CDIN1: variants seen among roughly 807,000 people sequenced by gnomAD.
CDIN1 encodes the protein CDAN1-interacting nuclease 1.
CDIN1 carries 33 observed loss-of-function variants against 45.3 expected under a neutral mutation model. The observed-to-expected ratio is 0.73, with a 90% confidence interval of 0.55 to 0.97. The LOEUF (loss-of-function observed/expected upper bound fraction) is 0.97. CDIN1 is among the 50% of genes least tolerant of loss of function. The probability of loss-of-function intolerance (pLI) is 0.00; values close to 1 mark genes in which losing one functional copy is unlikely to be tolerated. For synonymous variants in CDIN1, 118 were observed against 124.4 expected, an observed-to-expected ratio of 0.95 and a Z score of 0.34; for missense variants, 303 against 339.4, an observed-to-expected ratio of 0.89 and a Z score of 0.84.
At chr15:36,590,346 T>A (rs1381851886) in intron 1 of CDIN1, among the ~76,000 whole-genome samples, 1 of 152,250 alleles carries the variant, frequency 6.6e-6, no homozygotes, top group Non-Finnish European at 1.5e-5. Flanking sequence ...AAAAAATGTT[T>A]AAAGCTATTA....
chr15:36,700,703 T>C (rs553481326), intron 8 of CDIN1, among the ~76,000 whole-genome samples: 2 of 151,882 alleles, frequency 1.3e-5, no homozygotes, highest in East Asian at 3.9e-4. Flanking sequence ...AACCAAACTT[T>C]TTTTTTTTAA....
At chr15:36,692,825 A>G (rs1002766236) in intron 7 of CDIN1, among the ~76,000 whole-genome samples, 1 of 152,248 alleles carries the variant, frequency 6.6e-6, no homozygotes, top group African/African-American at 2.4e-5. Flanking sequence ...TTAAAACAAG[A>G]TTGAACAGAC....
At chr15:36,612,467 C>T (rs2038692691) in intron 1 of CDIN1, among the ~76,000 whole-genome samples, 2 of 152,118 alleles carry the variant, frequency 1.3e-5, no homozygotes, top group Admixed American at 1.3e-4. Context: ...GTAAGCGAAC[C>T]TCACCCCATC....
intron 5 of CDIN1, among the ~76,000 whole-genome samples, chr15:36,670,035 G>C (rs1271030493): frequency 1.3e-5 from 2 of 152,068 alleles, no homozygotes; most frequent in African/African-American, 4.8e-5. Flanking sequence ...CTTCTGGAGA[G>C]AGGAGTGTGG....
intron 5 of CDIN1, among the ~76,000 whole-genome samples, chr15:36,666,059 T>C (rs1194694637): frequency 6.6e-6 from 1 of 152,188 alleles, no homozygotes; most frequent in Non-Finnish European, 1.5e-5. Context: ...TTTTTGTTTA[T>C]CTTAAGGGAA....
At chr15:36,620,686 G>A (rs569411907) in intron 1 of CDIN1, among the ~76,000 whole-genome samples, 6 of 152,046 alleles carry the variant, frequency 3.9e-5, no homozygotes, top group Admixed American at 1.3e-4. Flanking sequence ...ATGGTAAGGC[G>A]GACTGACCTT....
chr15:36,632,763 A>G (rs927617470), intron 1 of CDIN1, among the ~76,000 whole-genome samples: 1 of 152,254 alleles, frequency 6.6e-6, no homozygotes, highest in Non-Finnish European at 1.5e-5. Context: ...GGGCAAGAGA[A>G]GACTGAAGAG....
At chr15:36,610,819 G>T (rs1388678776) in intron 1 of CDIN1, among the ~76,000 whole-genome samples, 3 of 152,084 alleles carry the variant, frequency 2.0e-5, no homozygotes, top group Non-Finnish European at 4.4e-5. Context: ...ATTTTCTTCT[G>T]TCTGCTTTTA....
intron 1 of CDIN1, chr15:36,618,174 C>G: frequency 5.7e-6 from 4 of 700,026 alleles, no homozygotes; most frequent in Non-Finnish European, 1.1e-5. Flanking sequence ...CATGCTACTG[C>G]TATGAATATG....
chr15:36,790,476 T>C (rs2141085369), intron 10 of CDIN1: 1 of 152,326 alleles, frequency 6.6e-6, no homozygotes, highest in Non-Finnish European at 1.5e-5. Flanking sequence ...GTAGAGTGAC[T>C]ATAGTTAACA....
chr15:36,626,644 G>T, intron 1 of CDIN1: 1 of 336,698 alleles, frequency 3.0e-6, no homozygotes, highest in Non-Finnish European at 5.8e-6. Context: ...TCTCTTTTGG[G>T]CAACAAAGCC....
chr15:36,675,585 C>T (rs930055221), intron 5 of CDIN1, among the ~76,000 whole-genome samples: 3 of 152,136 alleles, frequency 2.0e-5, no homozygotes, highest in Admixed American at 1.3e-4. Context: ...TTGTGCTCAG[C>T]GGCCTTGCTG....
Position 36,809,223 on chromosome 15 carries a change from C to T in CDIN1, c.*770C>T, listed in dbSNP as rs887290331. 1.9e-5 allele frequency: 5 copies of T among 257,094 alleles called. No homozygotes were observed. Among genetic ancestry groups the T allele is most frequent in the East Asian group, 1.0e-4 (1 of 10,044 alleles). 15.9% of individuals were successfully genotyped at this position (257,094 alleles called of 1,614,324 possible). A position where few individuals can be genotyped will look rare whatever the true frequency, so the allele number is the denominator to read the frequency against. ...AACCACACTCCTTTAGATTGGGGGC[C>T]GAGAGGCGACAACCCAACATTGAGG... On this transcript the variant is annotated 3_prime_UTR_variant, in exon 11 of 11. Transcript: ENST00000566621.
chr15:36,601,403 T>C (rs552108270), intron 1 of CDIN1, among the ~76,000 whole-genome samples: 1 of 152,326 alleles, frequency 6.6e-6, no homozygotes, highest in Admixed American at 6.5e-5. Context: ...AGTGTAATAC[T>C]TACCACCCTT....
intron 5 of CDIN1, among the ~76,000 whole-genome samples, chr15:36,661,942 C>G (rs1194021273): frequency 6.6e-6 from 1 of 152,094 alleles, no homozygotes; most frequent in Non-Finnish European, 1.5e-5. Context: ...AATCAATCCT[C>G]TATAACTTAT....
chr15:36,722,195 C>A (rs1007599498), intron 10 of CDIN1, among the ~76,000 whole-genome samples: 2 of 151,994 alleles, frequency 1.3e-5, no homozygotes, highest in Non-Finnish European at 2.9e-5. Flanking sequence ...TTAAAATTAA[C>A]CTTGTAATCT....
chr15:36,799,027 CAA>C (rs1283550025), intron 10 of CDIN1: 1 of 152,226 alleles, frequency 6.6e-6, no homozygotes, highest in Non-Finnish European at 1.5e-5. Flanking sequence ...TCTCTGGCAT[CAA>C]ACACTAAATC....
At chr15:36,679,926 A>G (rs983295719) in intron 5 of CDIN1, among the ~76,000 whole-genome samples, 2 of 152,214 alleles carry the variant, frequency 1.3e-5, no homozygotes, top group African/African-American at 4.8e-5. Flanking sequence ...AATTGTCTCC[A>G]CTGAGCCAAG....
chr15:36,586,296 G>T (rs1460801145), intron 1 of CDIN1, among the ~76,000 whole-genome samples: 1 of 148,268 alleles, frequency 6.7e-6, no homozygotes, highest in Non-Finnish European at 1.5e-5. Flanking sequence ...CAAATTTCTT[G>T]TTTCTCGTCA....
Sources: allele counts gnomAD v4.1 joint callset (sites outside exome capture counted in the v4.1 genomes callset), GRCh38; gene constraint gnomAD v4.1.1; transcripts MANE v1.5; gene names NCBI Gene and HGNC (gene_info 2026-07-23, HGNC 2026-07-21).